The following PATE2 variants were observed in gnomAD, a reference collection of about 807,000 sequenced individuals.
PATE2 encodes prostate and testis expressed 2, also known as prostate and testis expressed protein 2.
Under a neutral mutation model 10.5 loss-of-function variants are expected in PATE2, and 7 were observed. The ratio of observed to expected loss-of-function variants is 0.66; its 90% CI spans 0.38 to 1.25. PATE2 has a LOEUF of 1.25. Among genes scored for constraint, PATE2 ranks in the 50% most tolerant of loss-of-function variants. The probability of loss-of-function intolerance (pLI) is 0.02; values close to 1 mark genes in which losing one functional copy is unlikely to be tolerated. For synonymous variants in PATE2, 44 were observed against 46.9 expected (o/e 0.94, Z 0.25); for missense variants, 133 against 135.4 (o/e 0.98, Z 0.09).
chr11:125,777,033 A>AT lies in PATE2; in HGVS notation c.*348_*349insA. The AT allele has an allele frequency of 5.4e-6, 1 of 186,712 alleles. No homozygotes were observed. Among genetic ancestry groups the AT allele is most frequent in the Non-Finnish European group, 1.1e-5 (1 of 89,502 alleles). 11.6% of individuals were successfully genotyped at this position (186,712 alleles called of 1,614,324 possible). ...GTAGATGAGGATAGAGGATAGTCAC[A>AT]GAATTCTCAGTACAAATTGGAGATT... On this transcript the variant is annotated 3_prime_UTR_variant, in exon 4 of 4. Transcript: ENST00000358524.
chr11:125,777,797 C>T lies in PATE2; in HGVS notation c.205+77G>A, dbSNP rs550874296. 2.2e-4 allele frequency: 345 copies of T among 1,539,314 alleles called. 5 individuals carry two copies. In the South Asian group the frequency reaches 3.7e-3, roughly 17 times the overall value. ...CTCACCCATCCCATTCACCTACTCA[C>T]GCTGAGGGCAAAAGAACACTACTGT... is the stretch of plus-strand genomic sequence containing the variant. On this transcript the variant is annotated intron_variant, in intron 3 of 3. Coordinates refer to ENST00000358524, the MANE Select transcript of PATE2 (RefSeq NM_212555.3).
Position 125,778,723 on chromosome 11 carries a change from C to G in PATE2, c.51G>C (p.Trp17Cys). Residue 17 changes from tryptophan (W) to cysteine (C), a missense_variant and splice_region_variant, in exon 1 of 4, where the codon TGG (tryptophan) becomes TGC (cysteine). By Grantham distance (215) the Trp-to-Cys change is radical. Transcript: ENST00000358524. The stretch of plus-strand genomic sequence containing the variant: ...TTCCCCTCTGTCTCCAGGACTTACC[C>G]CAATATGGGCAGAGCAGAAAGACTG... ...LGTVFLLCPY[W>C]GELHDPIKAT... 1 of 1,613,570 alleles carries G rather than the reference C, an allele frequency of 6.2e-7. No individual in the cohort carries two copies. Among genetic ancestry groups the G allele is most frequent in the South Asian group, 1.1e-5 (1 of 91,052 alleles).
Position 125,777,260 on chromosome 11 carries a change from C to G in PATE2, c.*122G>C. On this transcript the variant is annotated 3_prime_UTR_variant, in exon 4 of 4. Coordinates refer to ENST00000358524, the MANE Select transcript of PATE2 (RefSeq NM_212555.3). Reference sequence around the variant, plus strand: ...CTCCTTATGCCTGCTTGTCTTTTCACTATGAGCTGGCTTTCTCACTCTCTA... The same window carrying G: ...CTCCTTATGCCTGCTTGTCTTTTCAGTATGAGCTGGCTTTCTCACTCTCTA... 8.2e-7 allele frequency: 1 copy of G among 1,223,136 alleles called. No individual in the cohort carries two copies. Among genetic ancestry groups the G allele is most frequent in the Non-Finnish European group, 1.1e-6 (1 of 878,348 alleles). The allele number at this position is 1,223,136 out of a possible 1,614,324, so 75.8% of individuals were successfully genotyped here. A position where few individuals can be genotyped will look rare whatever the true frequency, so the allele number is the denominator to read the frequency against.
In PATE2 at chr11:125,776,740, C is replaced by T. The variant is rs1943487355; in HGVS notation, c.*642G>A. 1 of 152,258 alleles carries T rather than the reference C, an allele frequency of 6.6e-6. No individual in the cohort carries two copies. The highest frequency in any genetic ancestry group is 2.4e-5 in the African/African-American group (1 of 41,454). 9.4% of individuals were successfully genotyped at this position (152,258 alleles called of 1,614,324 possible). On this transcript the variant is annotated 3_prime_UTR_variant, in exon 4 of 4. Transcript: ENST00000358524. ...CAATGATAATTCAAGCCAATTCCAC[C>T]CACAGCAAGTTATTTCTCAGATCTT...
At chr11:125,778,692 AC>A (rs1943510367) in intron 1 of PATE2, 29 bp downstream of exon 1, 2 of 1,613,276 alleles carry the variant, frequency 1.2e-6, no homozygotes, top group Non-Finnish European at 1.7e-6. Context: ...TTAACCAACC[AC>A]CAGCTTCCCC....
At position 125,777,303 on chromosome 11, in the gene PATE2, A is replaced by G; in HGVS notation, c.*79T>C. Reference sequence around the variant, plus strand: ...ACTCTCTACCAATGCATAGAAGAGGAGAGCAAAATTCAGGTTCAGGGAAGA... The same window carrying G: ...ACTCTCTACCAATGCATAGAAGAGGGGAGCAAAATTCAGGTTCAGGGAAGA... On this transcript the variant is annotated 3_prime_UTR_variant, in exon 4 of 4. Transcript: ENST00000358524. 5 of 1,521,182 alleles carry G rather than the reference A, an allele frequency of 3.3e-6. No homozygotes were observed. Among genetic ancestry groups the G allele is most frequent in the Non-Finnish European group, 4.5e-6 (5 of 1,110,258 alleles). 94.2% of individuals were successfully genotyped at this position (1,521,182 alleles called of 1,614,324 possible). A position where few individuals can be genotyped will look rare whatever the true frequency, so the allele number is the denominator to read the frequency against.
chr11:125,778,212 T>TA (rs1196289484), intron 2 of PATE2, among the ~76,000 whole-genome samples: 2 of 152,036 alleles, frequency 1.3e-5, no homozygotes, highest in Non-Finnish European at 2.9e-5. Flanking sequence ...TTTCTCCAAT[T>TA]AAAAAAATCT....
At position 125,778,748 on chromosome 11, in the gene PATE2, G is replaced by C; in HGVS notation, c.26C>G (p.Thr9Arg). 6.2e-7 allele frequency: 1 copy of C among 1,613,554 alleles called. No homozygotes were observed. The highest frequency in any genetic ancestry group is 8.5e-7 in the Non-Finnish European group (1 of 1,179,690). ...CCAATATGGGCAGAGCAGAAAGACT[G>C]TGCCCAGGAGAAAGAGAACAAGCAT... The part of the protein sequence containing the change: MLVLFLLG[T>R]VFLLCPYWGE... Residue 9 changes from threonine to arginine, a missense_variant, in exon 1 of 4, where the codon ACA (threonine) becomes AGA (arginine). Transcript: ENST00000358524.
intron 3 of PATE2, 35 bp downstream of exon 3, chr11:125,777,839 T>C: frequency 1.2e-6 from 2 of 1,607,512 alleles, no homozygotes; most frequent in Non-Finnish European, 8.5e-7. Context: ...GGGATGGTGG[T>C]GGTGATTTTC....
chr11:125,778,411 A>G, intron 2 of PATE2, 141 bp downstream of exon 2: 1 of 898,556 alleles, frequency 1.1e-6, no homozygotes, highest in Non-Finnish European at 1.8e-6. Flanking sequence ...TGGACAAAAC[A>G]GGTCTGGCAG....
Position 125,776,542 on chromosome 11 carries a change from G to A in PATE2, c.*840C>T, listed in dbSNP as rs541686451. On this transcript the variant is annotated 3_prime_UTR_variant, in exon 4 of 4. Coordinates refer to ENST00000358524, the MANE Select transcript of PATE2 (RefSeq NM_212555.3). ...TCTGTTACTTGAACACTACCTCATG[G>A]TATCTATTTACATCCTATTATCTTC... is the stretch of plus-strand genomic sequence containing the variant. The A allele has an allele frequency of 6.6e-6, 1 of 151,968 alleles. No individual in the cohort carries two copies. Among genetic ancestry groups the A allele is most frequent in the Non-Finnish European group, 1.5e-5 (1 of 68,016 alleles). 9.4% of individuals were successfully genotyped at this position (151,968 alleles called of 1,614,324 possible).
chr11:125,777,019 T>C lies in PATE2; in HGVS notation c.*363A>G, dbSNP rs1036358656. The C allele has an allele frequency of 3.5e-5, 7 of 197,640 alleles. No homozygotes were observed. In the South Asian group the frequency reaches 4.4e-4, roughly 12 times the overall value. The allele number at this position is 197,640 out of a possible 1,614,324, so 12.2% of individuals were successfully genotyped here. On this transcript the variant is annotated 3_prime_UTR_variant, in exon 4 of 4. Transcript: ENST00000358524. Reference sequence around the variant, plus strand: ...AGAGGAGTGTGTGTGTAGATGAGGATAGAGGATAGTCACAGAATTCTCAGT... The same window carrying C: ...AGAGGAGTGTGTGTGTAGATGAGGACAGAGGATAGTCACAGAATTCTCAGT...
In PATE2 at chr11:125,778,735, G is replaced by C; in HGVS notation, c.39C>G (p.Leu13=). 1 of 1,613,584 alleles carries C rather than the reference G, an allele frequency of 6.2e-7. No individual in the cohort carries two copies. The highest frequency in any genetic ancestry group is 8.5e-7 in the Non-Finnish European group (1 of 1,179,714). ...VLFLLGTVFL[L]CPYWGELHDP... is the part of the protein sequence containing the mutation. Reference sequence around the variant, plus strand: ...TCCAGGACTTACCCCAATATGGGCAGAGCAGAAAGACTGTGCCCAGGAGAA... The same window carrying C: ...TCCAGGACTTACCCCAATATGGGCACAGCAGAAAGACTGTGCCCAGGAGAA... Residue 13 remains leucine, a synonymous_variant, in exon 1 of 4, where the codon CTC becomes CTG. Transcript: ENST00000358524.
chr11:125,777,743 C>G, intron 3 of PATE2, 131 bp downstream of exon 3: 1 of 1,256,124 alleles, frequency 8.0e-7, no homozygotes, highest in South Asian at 1.5e-5. Flanking sequence ...AAAAGTCTGT[C>G]TTTGCCATCC....
At chr11:125,778,301 C>T (rs1461739935) in intron 2 of PATE2, among the ~76,000 whole-genome samples, 1 of 152,070 alleles carries the variant, frequency 6.6e-6, no homozygotes, top group East Asian at 1.9e-4. Context: ...GAAATTTATC[C>T]ATGGACCTCC....
At position 125,777,374 on chromosome 11, in the gene PATE2, A is replaced by T. The variant is rs1239697962; in HGVS notation, c.*8T>A. The T allele has an allele frequency of 1.2e-6, 2 of 1,612,776 alleles. No individual in the cohort carries two copies. The highest frequency in any genetic ancestry group is 2.2e-5 in the East Asian group (1 of 44,828). ...AAAAAGAACCCAAAATCCAGGAGAGACGTAGAACTAAACTCCCTCAGGGAG... is the reference window on the plus strand; with the variant it reads ...AAAAAGAACCCAAAATCCAGGAGAGTCGTAGAACTAAACTCCCTCAGGGAG... On this transcript the variant is annotated 3_prime_UTR_variant, in exon 4 of 4. Coordinates refer to ENST00000358524, the MANE Select transcript of PATE2 (RefSeq NM_212555.3).
At position 125,777,016 on chromosome 11, in the gene PATE2, G is replaced by T; in HGVS notation, c.*366C>A. ...CGGAGAGGAGTGTGTGTGTAGATGA[G>T]GATAGAGGATAGTCACAGAATTCTC... On this transcript the variant is annotated 3_prime_UTR_variant, in exon 4 of 4. Coordinates refer to ENST00000358524, the MANE Select transcript of PATE2 (RefSeq NM_212555.3). The T allele has an allele frequency of 5.7e-6, 1 of 176,978 alleles. No homozygotes were observed. Among genetic ancestry groups the T allele is most frequent in the Non-Finnish European group, 1.2e-5 (1 of 83,336 alleles). The allele number at this position is 176,978 out of a possible 1,614,324, so 11.0% of individuals were successfully genotyped here.
rs1335060414 is a variant in PATE2 at position 125,778,777 on chromosome 11, G to T, written c.-4C>A. ...CCAGGAGAAAGAGAACAAGCATCCT[G>T]GAGCTTCTGTCAGGTGCAGCTTCCT... is the stretch of plus-strand genomic sequence containing the variant. On this transcript the variant is annotated 5_prime_UTR_variant, in exon 1 of 4. Transcript: ENST00000358524. 4 of 1,613,294 alleles carry T rather than the reference G, an allele frequency of 2.5e-6. No individual in the cohort carries two copies. In the African/African-American group the frequency reaches 5.3e-5, roughly 22 times the overall value.
At position 125,777,903 on chromosome 11, in the gene PATE2, A is replaced by C. The variant is rs1943501869; in HGVS notation, c.176T>G (p.Val59Gly). The C allele has an allele frequency of 3.1e-6, 5 of 1,613,282 alleles. No homozygotes were observed. Among genetic ancestry groups the C allele is most frequent in the Non-Finnish European group, 4.2e-6 (5 of 1,179,636 alleles). Reference protein sequence around the residue: ...CSLKHKQSCAVENFYILTRKG... With the variant: ...CSLKHKQSCAGENFYILTRKG... ...CCTTGTAAGGATGTAAAAGTTCTCA[A>C]CTGCACAGGACTGTTTATGCTTCAG... The change falls in exon 3 of 4, where the codon GTT (valine) becomes GGT (glycine). Residue 59 changes from valine (V) to glycine (G), a missense_variant. Physicochemically the swap from Val to Gly is moderately radical, Grantham distance 109 (BLOSUM62 -3). Transcript: ENST00000358524.
Sources: allele counts gnomAD v4.1 joint callset (sites outside exome capture counted in the v4.1 genomes callset), GRCh38; gene constraint gnomAD v4.1.1; transcripts MANE v1.5; gene names NCBI Gene and HGNC (gene_info 2026-07-23, HGNC 2026-07-21).